The following ARSG variants were observed in gnomAD, a reference collection of about 807,000 sequenced individuals.
ARSG encodes arylsulfatase G, also known as ASG.
A neutral mutation model predicts 50.5 loss-of-function variants in ARSG; 37 were observed. The observed-to-expected ratio is 0.73, with a 90% confidence interval of 0.56 to 0.96. The LOEUF is 0.96. Among genes scored for constraint, ARSG ranks in the 50% least tolerant of loss-of-function variants. The pLI is 0.00. For synonymous variants in ARSG, 225 were observed against 254.6 expected (o/e 0.88, Z 1.11); for missense variants, 629 against 675.3 (o/e 0.93, Z 0.76).
At chr17:68,410,034 G>A (rs2081930026) in intron 11 of ARSG, among the ~76,000 whole-genome samples, 1 of 151,276 alleles carries the variant, frequency 6.6e-6, no homozygotes, top group Non-Finnish European at 1.5e-5. Context: ...TGAGACAATG[G>A]GGTTTTCTAG....
At chr17:68,278,077 A>T in intron 1 of ARSG, 12 of 1,590,142 alleles carry the variant, frequency 7.5e-6, no homozygotes, top group Non-Finnish European at 1.0e-5. Flanking sequence ...TTAGGCCGAA[A>T]GATGTACTAA....
At chr17:68,358,111 G>C (rs1383034225) in intron 6 of ARSG, among the ~76,000 whole-genome samples, 1 of 152,110 alleles carries the variant, frequency 6.6e-6, no homozygotes, top group East Asian at 1.9e-4. Flanking sequence ...GCTGAGGATG[G>C]AGGATCACTT....
At chr17:68,328,081 G>A (rs2077577280) in intron 2 of ARSG, among the ~76,000 whole-genome samples, 1 of 152,030 alleles carries the variant, frequency 6.6e-6, no homozygotes, top group Admixed American at 6.6e-5. Context: ...AGTCTGAGTT[G>A]ACATGTGACA....
At chr17:68,349,404 A>G (rs2078654442) in intron 4 of ARSG, among the ~76,000 whole-genome samples, 1 of 152,164 alleles carries the variant, frequency 6.6e-6, no homozygotes, top group Admixed American at 6.5e-5. Context: ...CTTAACAGAG[A>G]TCATCTGACC....
chr17:68,436,419 G>A, the ARSG span: 1 of 1,614,062 alleles, frequency 6.2e-7, no homozygotes, highest in Non-Finnish European at 8.5e-7. Context: ...CTCCCCTGAA[G>A]TCAGGCTTCC....
intron 9 of ARSG, among the ~76,000 whole-genome samples, chr17:68,388,723 G>T (rs1176309820): frequency 6.6e-6 from 1 of 151,968 alleles, no homozygotes; most frequent in Non-Finnish European, 1.5e-5. Context: ...TCAGGAGTTC[G>T]AGACCAGCCT....
At chr17:68,277,983 T>TA (rs1555751534) in intron 1 of ARSG, 1 of 717,346 alleles carries the variant, frequency 1.4e-6, no homozygotes, top group Non-Finnish European at 2.3e-6. Context: ...CCAACAGGCG[T>TA]ATAAGGGAAT....
the ARSG span, among the ~76,000 whole-genome samples, chr17:68,443,486 T>C: frequency 6.6e-6 from 1 of 152,200 alleles, no homozygotes; most frequent in Non-Finnish European, 1.5e-5. Context: ...CCAAGGGCCA[T>C]TTATAGAATT....
At chr17:68,437,948 TAAAAAAAAAAA>T in the ARSG span, among the ~76,000 whole-genome samples, 4 of 78,806 alleles carry the variant, frequency 5.1e-5, no homozygotes, top group Non-Finnish European at 1.0e-4. Flanking sequence ...ACATCTCTCT[TAAAAAAAAAAA>T]AAAAAAAAAA....
intron 2 of ARSG, among the ~76,000 whole-genome samples, chr17:68,341,608 C>G (rs1028246281): frequency 6.6e-6 from 1 of 152,220 alleles, no homozygotes; most frequent in African/African-American, 2.4e-5. Flanking sequence ...CATTCTTTAT[C>G]TCCATGTCCT....
chr17:68,319,102 C>T (rs1480093282), intron 2 of ARSG, among the ~76,000 whole-genome samples: 6 of 152,082 alleles, frequency 3.9e-5, no homozygotes, highest in Admixed American at 2.6e-4. Context: ...AGTATGGGGA[C>T]GAGGGCAGAA....
chr17:68,451,545 A>G, the ARSG span, among the ~76,000 whole-genome samples: 1 of 152,234 alleles, frequency 6.6e-6, no homozygotes, highest in African/African-American at 2.4e-5. Context: ...CTAGGGCTCC[A>G]CTGTTTGCTC....
intron 6 of ARSG, among the ~76,000 whole-genome samples, chr17:68,366,937 C>G (rs1247457850): frequency 6.6e-6 from 1 of 152,202 alleles, no homozygotes; most frequent in African/African-American, 2.4e-5. Flanking sequence ...ATCCTACCTT[C>G]TCTCTATGAA....
chr17:68,399,068 A>G lies in ARSG; in HGVS notation c.1213-2292A>G, dbSNP rs2081368362. Among the ~76,000 whole-genome samples the G allele has an allele frequency of 6.6e-6, 1 of 152,190 alleles. No homozygotes were observed. Among genetic ancestry groups the G allele is most frequent in the African/African-American group, 2.4e-5 (1 of 41,448 alleles). The stretch of plus-strand genomic sequence containing the variant: ...CAGGTCCAGAAATTGTCAACGAAGG[A>G]ACGTTTCCCCTAACAGCTCTGCATC... On this transcript the variant is annotated intron_variant, in intron 10 of 11. Coordinates refer to ENST00000621439, the MANE Select transcript of ARSG (RefSeq NM_001267727.2). The surrounding 1 kb of genome is among the most constrained non-coding windows in gnomAD (Gnocchi z 4.6).
At chr17:68,421,634 T>C (rs900815906), downstream of ARSG, 27 of 1,221,430 alleles carry the variant, frequency 2.2e-5, no homozygotes, top group Admixed American at 2.0e-4. Context: ...AACCAGGTCC[T>C]GTGGTTTAAG....
At chr17:68,318,690 T>A (rs2077166539) in intron 2 of ARSG, among the ~76,000 whole-genome samples, 1 of 152,248 alleles carries the variant, frequency 6.6e-6, no homozygotes, top group Non-Finnish European at 1.5e-5. Flanking sequence ...ACTTTGCGCC[T>A]TGATCTCATT....
chr17:68,438,571 G>A, the ARSG span, among the ~76,000 whole-genome samples: 1 of 152,202 alleles, frequency 6.6e-6, no homozygotes, highest in African/African-American at 2.4e-5. Flanking sequence ...CAAATGCAGT[G>A]TGTAACTGCT....
chr17:68,280,586 TACAA>T (rs2075662519), intron 1 of ARSG, among the ~76,000 whole-genome samples: 1 of 152,152 alleles, frequency 6.6e-6, no homozygotes, highest in Non-Finnish European at 1.5e-5. Flanking sequence ...TGGATATCAA[TACAA>T]ACAATGAAAC....
At chr17:68,387,339 G>A (rs1449613700) in intron 9 of ARSG, among the ~76,000 whole-genome samples, 2 of 152,082 alleles carry the variant, frequency 1.3e-5, no homozygotes, top group African/African-American at 4.8e-5. Flanking sequence ...ATGTTGCCCA[G>A]GCTGGTGTTG....
Sources: gnomAD v4.1 joint callset for allele counts (sites outside exome capture counted in the v4.1 genomes callset) on GRCh38, gnomAD v4.1.1 for gene constraint, Gnocchi (gnomAD v3.1) non-coding constraint, MANE v1.5 for transcripts, NCBI Gene and HGNC (gene_info 2026-07-23, HGNC 2026-07-21) for gene names.